The following RPL35A variants were observed in gnomAD, a reference collection of about 807,000 sequenced individuals.
RPL35A encodes ribosomal protein L35a.
In RPL35A, 1 loss-of-function variant was observed where a neutral mutation model predicts 16.7. The observed-to-expected ratio is 0.06, with a 90% CI of 0.02 to 0.28. RPL35A has a LOEUF of 0.28. Among genes scored for constraint, RPL35A ranks in the 10% least tolerant of loss-of-function variants. The pLI is 1.00. For missense variants in RPL35A, 91 were observed against 138.7 expected (o/e 0.66, Z 1.73); for synonymous variants, 58 against 47.0 (o/e 1.23, Z -0.96).
At chr3:197,953,944 T>A in intron 3 of RPL35A, 59 bp from the exon 4 acceptor site, 2 of 1,595,920 alleles carry the variant, frequency 1.3e-6, no homozygotes, top group Non-Finnish European at 1.7e-6. Flanking sequence ...AGAGGTCACC[T>A]TGAATTTGTA....
chr3:197,954,714 C>T lies in RPL35A; in HGVS notation c.309+567C>T, dbSNP rs1265349458. Among the ~76,000 whole-genome samples the T allele has an allele frequency of 2.0e-5, 3 of 152,096 alleles. No homozygotes were observed. In the East Asian group the frequency reaches 5.8e-4, roughly 29 times the overall value. ...TTTTGTATTTTGTTTCTCCATGTTG[C>T]CCAGGCTGGTCTTGAACTCCTGAGC... On this transcript the variant is annotated intron_variant, in intron 4 of 4. Transcript: ENST00000647248.
intron 1 of RPL35A, 112 bp downstream of exon 1, chr3:197,950,333 C>G: frequency 8.2e-7 from 1 of 1,226,964 alleles, no homozygotes; most frequent in Non-Finnish European, 1.0e-6. Context: ...CCATTGATTT[C>G]TACGGGTTTC....
rs769971063 is a variant in RPL35A, at chr3:197,951,579, CTGACCTTAGG to C, written c.164+272_164+281del. Reference sequence around the variant, plus strand: ...TGTTGGCCAGGCTGGTCCCAAACTCCTGACCTTAGGTGATCCGCCCACCTCGGCCTCCCAA... The same window carrying C: ...TGTTGGCCAGGCTGGTCCCAAACTCCTGATCCGCCCACCTCGGCCTCCCAA... On this transcript the variant is annotated intron_variant, in intron 3 of 4. Coordinates refer to ENST00000647248, the MANE Select transcript of RPL35A (RefSeq NM_000996.4). 1.1e-3 allele frequency: 501 copies of C among 446,042 alleles called. 3 individuals are homozygous for C. Among genetic ancestry groups the C allele is most frequent in the Admixed American group, 1.3e-3 (37 of 28,706 alleles). The allele number at this position is 446,042 out of a possible 1,614,324, so 27.6% of individuals were successfully genotyped here. A position where few individuals can be genotyped will look rare whatever the true frequency, so the allele number is the denominator to read the frequency against.
Position 197,950,956 on chromosome 3 carries a change from CTAAA to C in RPL35A, c.-11_-8del. 6.2e-7 allele frequency: 1 copy of C among 1,614,080 alleles called. No individual in the cohort carries two copies. Among genetic ancestry groups the C allele is most frequent in the African/African-American group, 1.3e-5 (1 of 75,032 alleles). Reference sequence around the variant, plus strand: ...TTAAGGCCTGCTGGGAACGGGACTTCTAAAAGGAACTATGTCTGGAAGGTACGCG... The same window carrying C: ...TTAAGGCCTGCTGGGAACGGGACTTCAGGAACTATGTCTGGAAGGTACGCG... On this transcript the variant is annotated 5_prime_UTR_variant, in exon 2 of 5. Coordinates refer to ENST00000647248, the MANE Select transcript of RPL35A (RefSeq NM_000996.4).
intron 2 of RPL35A, 48 bp from the exon 3 acceptor site, chr3:197,951,111 T>G: frequency 6.2e-7 from 1 of 1,613,236 alleles, no homozygotes; most frequent in Non-Finnish European, 8.5e-7. Flanking sequence ...CAAGTCAGAT[T>G]GGTTTTTTGA....
intron 4 of RPL35A, among the ~76,000 whole-genome samples, chr3:197,954,655 G>A (rs60951156): frequency 1.1e-3 from 160 of 152,234 alleles, no homozygotes; most frequent in African/African-American, 3.7e-3. Context: ...AATTACAGGC[G>A]TATATACCAC....
At chr3:197,950,835 T>TC in intron 1 of RPL35A, 101 bp from the exon 2 acceptor site, 2 of 1,025,756 alleles carry the variant, frequency 1.9e-6, no homozygotes, top group Non-Finnish European at 3.0e-6. Flanking sequence ...TACATGAAAC[T>TC]CCCATCCAAA....
chr3:197,955,966 C>CG lies in RPL35A; in HGVS notation c.*196dup. On this transcript the variant is annotated 3_prime_UTR_variant, in exon 5 of 5. Coordinates refer to ENST00000647248, the MANE Select transcript of RPL35A (RefSeq NM_000996.4). ...GCGAGTACAGAGATTTAGAAGGGAA[C>CG]GGGTTTTAATGCGAGTATCTTTGAC... 1.7e-6 allele frequency: 1 copy of CG among 593,592 alleles called. No homozygotes were observed. The allele number at this position is 593,592 out of a possible 1,614,324, so 36.8% of individuals were successfully genotyped here. A position where few individuals can be genotyped will look rare whatever the true frequency, so the allele number is the denominator to read the frequency against.
intron 3 of RPL35A, among the ~76,000 whole-genome samples, chr3:197,953,211 G>A (rs1720261123): frequency 6.6e-6 from 1 of 152,164 alleles, no homozygotes; most frequent in Admixed American, 6.5e-5. Context: ...TACAGCCAAT[G>A]TGTTCCTTTA....
At position 197,953,957 on chromosome 3, in the gene RPL35A, C is replaced by T. The variant is rs745357565; in HGVS notation, c.165-46C>T. 3.7e-6 allele frequency: 6 copies of T among 1,606,544 alleles called. No individual in the cohort carries two copies. In the Admixed American group the frequency reaches 5.0e-5, roughly 13 times the overall value. Reference sequence around the variant, plus strand: ...GTAGAGGTCACCTTGAATTTGTATCCAACTATATCAGCTTGTATTCCTCTT... The same window carrying T: ...GTAGAGGTCACCTTGAATTTGTATCTAACTATATCAGCTTGTATTCCTCTT... On this transcript the variant is annotated intron_variant, in intron 3 of 4. Coordinates refer to ENST00000647248, the MANE Select transcript of RPL35A (RefSeq NM_000996.4).
chr3:197,954,322 G>T (rs1720360394), intron 4 of RPL35A, 175 bp downstream of exon 4: 2 of 720,508 alleles, frequency 2.8e-6, no homozygotes, highest in South Asian at 3.5e-5. Flanking sequence ...TAGGTGTTTG[G>T]TTGTTTGTTT....
intron 3 of RPL35A, chr3:197,952,531 G>C (rs966266531): frequency 7.9e-5 from 12 of 151,290 alleles, no homozygotes; most frequent in African/African-American, 2.9e-4. Context: ...TTTTGCTCTT[G>C]TTATCCAGGC....
chr3:197,954,793 C>G (rs2109816103), intron 4 of RPL35A, among the ~76,000 whole-genome samples: 1 of 152,288 alleles, frequency 6.6e-6, no homozygotes, highest in South Asian at 2.1e-4. Context: ...TATGCTTGAG[C>G]CACCACAGCC....
At chr3:197,953,744 G>C in intron 3 of RPL35A, 1 of 556,098 alleles carries the variant, frequency 1.8e-6, no homozygotes, top group Non-Finnish European at 3.2e-6. Flanking sequence ...GTTATCATCT[G>C]ACCTATGTAT....
intron 4 of RPL35A, 121 bp downstream of exon 4, chr3:197,954,268 AT>A: frequency 1.1e-6 from 1 of 939,468 alleles, no homozygotes; most frequent in Non-Finnish European, 1.7e-6. Context: ...ATGCTGCAAA[AT>A]TTGTGTATTG....
At position 197,950,950 on chromosome 3, in the gene RPL35A, G is replaced by T; in HGVS notation, c.-18G>T. The T allele has an allele frequency of 6.2e-7, 1 of 1,614,060 alleles. No individual in the cohort carries two copies. The highest frequency in any genetic ancestry group is 8.5e-7 in the Non-Finnish European group (1 of 1,179,978). ...TTTGTTTTAAGGCCTGCTGGGAACGGGACTTCTAAAAGGAACTATGTCTGG... is the reference window on the plus strand; with the variant it reads ...TTTGTTTTAAGGCCTGCTGGGAACGTGACTTCTAAAAGGAACTATGTCTGG... On this transcript the variant is annotated 5_prime_UTR_variant, in exon 2 of 5. Transcript: ENST00000647248.
chr3:197,950,466 GT>G, intron 1 of RPL35A: 1 of 494,894 alleles, frequency 2.0e-6, no homozygotes, highest in South Asian at 7.5e-5. Flanking sequence ...GTGAAACGAT[GT>G]TTTTGTTCGT....
Position 197,952,162 on chromosome 3 carries a change from G to GTTTT in RPL35A, c.164+874_164+877dup, listed in dbSNP as rs1161903755. Among the ~76,000 whole-genome samples, 40 of 83,890 alleles carry GTTTT rather than the reference G, an allele frequency of 4.8e-4. 1 individual carries two copies. The highest frequency in any genetic ancestry group is 8.1e-4 in the Admixed American group (6 of 7,370). The allele number at this position is 83,890 out of a possible 152,430, so 55.0% of individuals were successfully genotyped here. A position where few individuals can be genotyped will look rare whatever the true frequency, so the allele number is the denominator to read the frequency against. On this transcript the variant is annotated intron_variant, in intron 3 of 4. Transcript: ENST00000647248. ...TTTTGTTAATGCCTTAAAATTATGG[G>GTTTT]TTTTTTTTTTTTTTTTTTTTTTTTT...
chr3:197,950,756 T>G, intron 1 of RPL35A, 180 bp from the exon 2 acceptor site: 1 of 619,422 alleles, frequency 1.6e-6, no homozygotes, highest in Non-Finnish European at 2.8e-6. Flanking sequence ...AGCTGTTCTC[T>G]GAGGTTTGAA....
Sources: gnomAD v4.1 joint callset for allele counts (sites outside exome capture counted in the v4.1 genomes callset) on GRCh38, gnomAD v4.1.1 for gene constraint, MANE v1.5 for transcripts, NCBI Gene and HGNC (gene_info 2026-07-23, HGNC 2026-07-21) for gene names.